The following ACAP2 variants were observed in gnomAD, a reference collection of about 807,000 sequenced individuals.
ACAP2 encodes ArfGAP with coiled-coil, ankyrin repeat and PH domains 2.
ACAP2 carries 39 observed loss-of-function variants against 115.8 expected under a neutral mutation model. The ratio of observed to expected loss-of-function variants is 0.34; its 90% CI spans 0.26 to 0.44. ACAP2 has a LOEUF of 0.44. ACAP2 is among the 20% of genes least tolerant of loss of function. ACAP2 has a pLI of 1.00. For synonymous variants in ACAP2, 289 were observed against 315.8 expected (o/e 0.92, Z 0.90); for missense variants, 662 against 927.6 (o/e 0.71, Z 3.72).
At chr3:195,435,151 T>G (rs1715435665) in intron 1 of ACAP2, among the ~76,000 whole-genome samples, 1 of 21,928 alleles carries the variant, frequency 4.6e-5, no homozygotes, top group Non-Finnish European at 8.7e-5. Context: ...TCTAGTTTGC[T>G]GGGGTGAAGA....
intron 4 of ACAP2, among the ~76,000 whole-genome samples, chr3:195,370,889 T>C (rs1040367892): frequency 2.0e-5 from 3 of 150,930 alleles, no homozygotes; most frequent in African/African-American, 4.9e-5. Context: ...GAGGTGGAGG[T>C]TGCAGTGAGC....
intron 1 of ACAP2, among the ~76,000 whole-genome samples, chr3:195,422,066 A>G (rs1312701216): frequency 1.3e-5 from 2 of 151,972 alleles, no homozygotes; most frequent in Non-Finnish European, 2.9e-5. Context: ...TTGTGTATCG[A>G]AAAAAAATGA....
intron 1 of ACAP2, among the ~76,000 whole-genome samples, chr3:195,409,728 T>G (rs1436278152): frequency 6.6e-6 from 1 of 151,474 alleles, no homozygotes; most frequent in Non-Finnish European, 1.5e-5. Context: ...ATACAAAAAT[T>G]AGCTGGGTGT....
At chr3:195,373,639 C>A (rs1037376460) in intron 4 of ACAP2, among the ~76,000 whole-genome samples, 1 of 152,080 alleles carries the variant, frequency 6.6e-6, no homozygotes, top group African/African-American at 2.4e-5. Flanking sequence ...TTTGACAATT[C>A]ACATATACTG....
intron 1 of ACAP2, among the ~76,000 whole-genome samples, chr3:195,400,182 AAAAAAAACAAC>A (rs1248193910): frequency 1.3e-5 from 2 of 151,982 alleles, no homozygotes; most frequent in African/African-American, 4.8e-5. Context: ...CCGTCTCAAA[AAAAAAAACAAC>A]AAAAAAATAC....
intron 4 of ACAP2, among the ~76,000 whole-genome samples, chr3:195,369,169 GA>G (rs1424763937): frequency 6.6e-6 from 1 of 151,850 alleles, no homozygotes; most frequent in Non-Finnish European, 1.5e-5. Context: ...GGCCTTTAGA[GA>G]TTCAAAAACA....
intron 22 of ACAP2, among the ~76,000 whole-genome samples, chr3:195,283,004 T>C (rs1049000434): frequency 2.6e-5 from 4 of 152,194 alleles, no homozygotes; most frequent in Non-Finnish European, 5.9e-5. Flanking sequence ...ATGCACGACC[T>C]TACCCCTTCT....
At chr3:195,334,378 G>A (rs559391895) in intron 7 of ACAP2, among the ~76,000 whole-genome samples, 5 of 152,088 alleles carry the variant, frequency 3.3e-5, no homozygotes, top group African/African-American at 1.2e-4. Flanking sequence ...AAAGAGGGAT[G>A]GGATTAATAG....
At chr3:195,416,878 G>C (rs1253376810) in intron 1 of ACAP2, among the ~76,000 whole-genome samples, 3 of 151,648 alleles carry the variant, frequency 2.0e-5, no homozygotes, top group African/African-American at 7.3e-5. Context: ...ATCCTCACTT[G>C]TAAAAACCAA....
In ACAP2 at chr3:195,344,571, A is replaced by C. The variant is rs138923713; in HGVS notation, c.344+688T>G. The stretch of plus-strand genomic sequence containing the variant: ...GTTTCACTCTTGTTGCCCAGGCTGG[A>C]GTGCGATGGCGCGATCTCAGCTCAC... On this transcript the variant is annotated intron_variant, in intron 5 of 22. Coordinates refer to ENST00000326793, the MANE Select transcript of ACAP2 (RefSeq NM_012287.6). 2.2e-4 allele frequency among the ~76,000 whole-genome samples: 34 copies of C among 151,924 alleles called. No homozygotes were observed. In the East Asian group the frequency reaches 6.6e-3, roughly 29 times the overall value.
chr3:195,356,055 G>C (rs770645170), intron 4 of ACAP2: 1 of 454,828 alleles, frequency 2.2e-6, no homozygotes, highest in South Asian at 1.6e-5. Context: ...AATCATGTGA[G>C]CAATCACAGT....
chr3:195,370,838 G>C (rs1733081917), intron 4 of ACAP2, among the ~76,000 whole-genome samples: 2 of 151,896 alleles, frequency 1.3e-5, no homozygotes. Flanking sequence ...TGTAATCCCA[G>C]CTACCTGGGA....
At chr3:195,333,213 A>G (rs529016468) in intron 7 of ACAP2, 90 bp from the exon 8 acceptor site, 2 of 614,662 alleles carry the variant, frequency 3.3e-6, no homozygotes, top group Non-Finnish European at 4.9e-6. Context: ...TATATAAAAG[A>G]CAGGGTCTTG....
intron 4 of ACAP2, among the ~76,000 whole-genome samples, chr3:195,345,737 T>C (rs988109695): frequency 6.6e-6 from 1 of 152,196 alleles, no homozygotes; most frequent in African/African-American, 2.4e-5. Flanking sequence ...TTAGTTGAGG[T>C]AGAGGTTACT....
intron 2 of ACAP2, among the ~76,000 whole-genome samples, chr3:195,390,012 A>G (rs1734557854): frequency 6.6e-6 from 1 of 152,194 alleles, no homozygotes; most frequent in Non-Finnish European, 1.5e-5. Context: ...TCTGGCCAAC[A>G]CGGTGAAATC....
At chr3:195,396,742 GC>G (rs1413506275) in intron 1 of ACAP2, among the ~76,000 whole-genome samples, 1 of 126,234 alleles carries the variant, frequency 7.9e-6, no homozygotes, top group African/African-American at 3.0e-5. Context: ...AGCCAAGATT[GC>G]ATCACTGCAC....
Position 195,333,028 on chromosome 3 carries a change from C to T in ACAP2, c.669G>A (p.Gln223=). The change falls in exon 8 of 23, where the codon CAG becomes CAA. Residue 223 remains glutamine (Q), a splice_region_variant and synonymous_variant. Transcript: ENST00000326793. ...ATCAAGAAATATACTGCAACATTAC[C>T]TGTGCACCAAGATCCTTCATGTAGG... ...LGPYMKDLGA[Q]LDRLVVDAAK... The T allele has an allele frequency of 6.3e-7, 1 of 1,592,592 alleles. No individual in the cohort carries two copies. The highest frequency in any genetic ancestry group is 8.6e-7 in the Non-Finnish European group (1 of 1,167,484).
intron 1 of ACAP2, chr3:195,442,422 G>A: frequency 2.8e-6 from 1 of 355,342 alleles, no homozygotes; most frequent in East Asian, 5.3e-5. Flanking sequence ...GGAAGGAAGG[G>A]GGAAGGAAGA....
intron 9 of ACAP2, among the ~76,000 whole-genome samples, chr3:195,324,222 A>G (rs1729628625): frequency 6.6e-6 from 1 of 152,234 alleles, no homozygotes; most frequent in African/African-American, 2.4e-5. Flanking sequence ...AAGTCACTCT[A>G]AAGCCAAAAA....
Sources: allele counts gnomAD v4.1 joint callset (sites outside exome capture counted in the v4.1 genomes callset), GRCh38; gene constraint gnomAD v4.1.1; transcripts MANE v1.5; gene names NCBI Gene and HGNC (gene_info 2026-07-23, HGNC 2026-07-21).